Variants in MCPH1 observed in about 807,000 individuals in gnomAD.
MCPH1 encodes microcephalin 1.
A neutral mutation model predicts 84.5 loss-of-function variants in MCPH1; 104 were observed. The observed-to-expected ratio is 1.23, with a 90% CI of 1.05 to 1.45. The LOEUF (loss-of-function observed/expected upper bound fraction) is 1.45, where lower values mean the gene tolerates loss of function less well. Ranked by LOEUF, MCPH1 falls within the 40% of genes most tolerant of loss-of-function variation. The pLI is 0.00. For missense variants in MCPH1, 1,498 were observed against 1,005.7 expected, an observed-to-expected ratio of 1.49 and a Z score of -6.62; for synonymous variants, 514 against 366.8, an observed-to-expected ratio of 1.40 and a Z score of -4.58.
chr8:6,439,103 A>T lies in MCPH1; in HGVS notation c.580+7A>T, dbSNP rs1252620902. 6.2e-7 allele frequency: 1 copy of T among 1,612,078 alleles called. No homozygotes were observed. The highest frequency in any genetic ancestry group is 1.1e-5 in the South Asian group (1 of 91,018). On this transcript the variant is annotated splice_region_variant and intron_variant, in intron 6 of 13. Coordinates refer to ENST00000344683, the MANE Select transcript of MCPH1 (RefSeq NM_024596.5). ...GAAAATCTTTCCCCCACCTGTAAGT[A>T]ATTAGTTTGTAAAATGAAAATTATG...
At chr8:6,457,522 C>G (rs1212792859) in intron 9 of MCPH1, among the ~76,000 whole-genome samples, 31 of 152,144 alleles carry the variant, frequency 2.0e-4, no homozygotes, top group Admixed American at 2.0e-3. Context: ...GGAGAATCAC[C>G]TGAACCCAGG....
At chr8:6,611,999 CG>C (rs921087314) in intron 12 of MCPH1, among the ~76,000 whole-genome samples, 4 of 152,122 alleles carry the variant, frequency 2.6e-5, no homozygotes, top group African/African-American at 9.7e-5. Flanking sequence ...CCAGACCTTG[CG>C]GGGGTGGGGC....
chr8:6,449,720 G>T (rs1224066071), intron 8 of MCPH1, among the ~76,000 whole-genome samples: 1 of 152,144 alleles, frequency 6.6e-6, no homozygotes, highest in Non-Finnish European at 1.5e-5. Flanking sequence ...GGCTCAGGAA[G>T]TATGTCCACA....
rs192003514 is a variant in MCPH1 at position 6,445,180 on chromosome 8, A to G, written c.1458A>G (p.Lys486=). Residue 486 remains lysine, a synonymous_variant, in exon 8 of 14, where the codon AAA becomes AAG. Coordinates refer to ENST00000344683, the MANE Select transcript of MCPH1 (RefSeq NM_024596.5). ...FTAKTISSPR[K]TGNGEGRATS... ...CAAAAACCATCTCCAGTCCTCGGAA[A>G]ACTGGAAATGGTGAAGGCCGTGCAA... is the stretch of plus-strand genomic sequence containing the variant. 104 of 1,614,250 alleles carry G rather than the reference A, an allele frequency of 6.4e-5. 1 individual carries two copies. The East Asian group carries it at 1.9e-3, about 30-fold the overall frequency.
intron 12 of MCPH1, among the ~76,000 whole-genome samples, chr8:6,590,114 A>G (rs1299881571): frequency 6.6e-6 from 1 of 152,174 alleles, no homozygotes; most frequent in Non-Finnish European, 1.5e-5. Context: ...GTGCCGGAAG[A>G]ATGATTAGGT....
intron 13 of MCPH1, among the ~76,000 whole-genome samples, chr8:6,633,723 G>T (rs934568536): frequency 3.3e-5 from 5 of 152,120 alleles, no homozygotes; most frequent in Non-Finnish European, 5.9e-5. Flanking sequence ...ACGTGTGCAG[G>T]CTGGACGCAC....
chr8:6,522,716 G>C (rs565330057), intron 12 of MCPH1, among the ~76,000 whole-genome samples: 2 of 151,772 alleles, frequency 1.3e-5, no homozygotes, highest in African/African-American at 4.8e-5. Flanking sequence ...GGAGGTTGCA[G>C]TGAGCTGAGA....
chr8:6,577,721 T>TC (rs1827229205), intron 12 of MCPH1, among the ~76,000 whole-genome samples: 1 of 152,240 alleles, frequency 6.6e-6, no homozygotes. Flanking sequence ...ATTATTCTAA[T>TC]CCTATTTTCA....
In MCPH1 at chr8:6,470,634, T is replaced by C. The variant is rs559669831; in HGVS notation, c.1936-6960T>C. Among the ~76,000 whole-genome samples, 7 of 152,360 alleles carry C rather than the reference T, an allele frequency of 4.6e-5. No homozygotes were observed. The South Asian group carries it at 1.5e-3, about 32-fold the overall frequency. ...AAATGTTAAGATACATGCTTTATGC[T>C]TTTGCTGCCTCTCATGTTTCATGAA... On this transcript the variant is annotated intron_variant, in intron 9 of 13. Transcript: ENST00000344683.
chr8:6,516,758 TTGTTCCAAGAA>T (rs1196505558), intron 12 of MCPH1, among the ~76,000 whole-genome samples: 1 of 152,246 alleles, frequency 6.6e-6, no homozygotes, highest in Non-Finnish European at 1.5e-5. Flanking sequence ...GAGCCTATCC[TTGTTCCAAGAA>T]TGTTTGATTC....
At chr8:6,460,268 T>C (rs1028501225) in intron 9 of MCPH1, among the ~76,000 whole-genome samples, 4 of 152,208 alleles carry the variant, frequency 2.6e-5, no homozygotes, top group Non-Finnish European at 1.5e-5. Context: ...ATGTCTTCTA[T>C]TGGTTTCTTT....
At chr8:6,459,300 G>C (rs1458348563) in intron 9 of MCPH1, among the ~76,000 whole-genome samples, 1 of 130,030 alleles carries the variant, frequency 7.7e-6, no homozygotes, top group Non-Finnish European at 1.6e-5. Context: ...GTTTGAGATG[G>C]AGTCTCGCTG....
At chr8:6,492,050 A>C (rs1810660272) in intron 11 of MCPH1, among the ~76,000 whole-genome samples, 1 of 152,200 alleles carries the variant, frequency 6.6e-6, no homozygotes, top group African/African-American at 2.4e-5. Flanking sequence ...AGGAATCGCC[A>C]CACTGACTTC....
chr8:6,414,840 C>T lies in MCPH1; in HGVS notation c.190C>T (p.Gln64Ter). The T allele has an allele frequency of 6.2e-7, 1 of 1,613,678 alleles. No individual in the cohort carries two copies. The highest frequency in any genetic ancestry group is 8.5e-7 in the Non-Finnish European group (1 of 1,179,884). The change falls in exon 3 of 14, where the codon CAG (glutamine) becomes TAG (stop). Residue 64 changes from glutamine to a stop codon, truncating the protein, a stop_gained. Transcript: ENST00000344683. LOFTEE classifies it high-confidence loss of function. ...CTACCAGAGCACTTGGGACAAAGCT[C>T]AGAAGAGAGGCGTAAAGCTCGTTTC... The part of the protein sequence containing the change: ...DGYQSTWDKA[Q>*]KRGVKLVSVL...
chr8:6,495,110 T>C (rs1450999996), intron 11 of MCPH1, among the ~76,000 whole-genome samples: 1 of 152,230 alleles, frequency 6.6e-6, no homozygotes, highest in East Asian at 1.9e-4. Context: ...CTGGTCTCTT[T>C]GGAAGACTAG....
At chr8:6,480,106 TTTTTTTC>T (rs1290129625) in intron 10 of MCPH1, among the ~76,000 whole-genome samples, 2 of 151,578 alleles carry the variant, frequency 1.3e-5, no homozygotes, top group Admixed American at 6.6e-5. Flanking sequence ...GCCTGGTTCC[TTTTTTTC>T]TTTTTTCTTT....
chr8:6,473,728 C>T (rs572229127), intron 9 of MCPH1: 7 of 506,410 alleles, frequency 1.4e-5, no homozygotes, highest in Admixed American at 1.1e-4. Context: ...ATACTATCCG[C>T]CTGCTGGTCC....
At chr8:6,606,229 C>G (rs1829761873) in intron 12 of MCPH1, among the ~76,000 whole-genome samples, 1 of 152,130 alleles carries the variant, frequency 6.6e-6, no homozygotes, top group Admixed American at 6.5e-5. Context: ...TTACTGAAGC[C>G]TTGAAATGAT....
chr8:6,437,460 AC>A (rs2129554740), intron 5 of MCPH1, among the ~76,000 whole-genome samples: 1 of 152,070 alleles, frequency 6.6e-6, no homozygotes, highest in East Asian at 1.9e-4. Context: ...CAAACTCTTG[AC>A]CTCGTGATCT....
Sources: gnomAD v4.1 joint callset for allele counts (sites outside exome capture counted in the v4.1 genomes callset) on GRCh38, gnomAD v4.1.1 for gene constraint, MANE v1.5 for transcripts, NCBI Gene and HGNC (gene_info 2026-07-23, HGNC 2026-07-21) for gene names.